Variants in CNTN5 observed in about 807,000 individuals in gnomAD.
CNTN5 encodes the protein contactin 5, also known as contactin-5.
In CNTN5, 77 loss-of-function variants were observed where a neutral mutation model predicts 129.1. That is an observed-to-expected ratio of 0.60 (90% CI 0.50 to 0.72). The LOEUF is 0.72. Among genes scored for constraint, CNTN5 ranks in the 30% least tolerant of loss-of-function variants. The pLI is 0.00. For missense variants in CNTN5, 1,478 were observed against 1,328.8 expected (o/e 1.11, Z -1.75); for synonymous variants, 509 against 465.6 (o/e 1.09, Z -1.20).
chr11:99,151,981 G>A (rs867470100), intron 1 of CNTN5, among the ~76,000 whole-genome samples: 3 of 152,122 alleles, frequency 2.0e-5, no homozygotes, highest in African/African-American at 7.2e-5. Context: ...TAACAAACCT[G>A]CATGTTCTGT....
intron 1 of CNTN5, among the ~76,000 whole-genome samples, chr11:99,323,900 G>C (rs981031338): frequency 1.3e-5 from 2 of 152,096 alleles, no homozygotes; most frequent in African/African-American, 4.8e-5. Context: ...CAAAAGCGAG[G>C]AAAAGAGGGA....
intron 21 of CNTN5, among the ~76,000 whole-genome samples, chr11:100,316,060 C>T (rs1591507842): frequency 2.0e-5 from 3 of 152,254 alleles, no homozygotes; most frequent in Admixed American, 2.0e-4. Flanking sequence ...ATTAAGTGTC[C>T]TGTGTATGGT....
At chr11:100,165,528 A>G (rs1591342813) in intron 13 of CNTN5, among the ~76,000 whole-genome samples, 1 of 151,944 alleles carries the variant, frequency 6.6e-6, no homozygotes, top group Non-Finnish European at 1.5e-5. Flanking sequence ...AACTTACAGG[A>G]AGTATTTTTA....
At position 99,372,885 on chromosome 11, in the gene CNTN5, C is replaced by T. The variant is rs1223171492; in HGVS notation, c.-71+47401C>T. 2.6e-5 allele frequency among the ~76,000 whole-genome samples: 4 copies of T among 152,184 alleles called. No individual in the cohort carries two copies. The East Asian group carries it at 5.8e-4, about 22-fold the overall frequency. On this transcript the variant is annotated intron_variant, in intron 2 of 24. Transcript: ENST00000524871. Reference sequence around the variant, plus strand: ...GGGAAATCAATGTCCAGTGTTATGGCATCTGAGAGATAAACCAGTTGAAAT... The same window carrying T: ...GGGAAATCAATGTCCAGTGTTATGGTATCTGAGAGATAAACCAGTTGAAAT...
At chr11:99,598,043 C>T (rs1950177706) in intron 3 of CNTN5, among the ~76,000 whole-genome samples, 1 of 152,074 alleles carries the variant, frequency 6.6e-6, no homozygotes, top group African/African-American at 2.4e-5. Flanking sequence ...AATTCTGAGC[C>T]ATTAGGATGT....
chr11:99,132,785 C>T (rs1205390780), intron 1 of CNTN5, among the ~76,000 whole-genome samples: 2 of 152,166 alleles, frequency 1.3e-5, no homozygotes, highest in African/African-American at 4.8e-5. Flanking sequence ...ACATTACATA[C>T]TCATTCATAG....
chr11:99,479,787 T>C (rs534159225), intron 2 of CNTN5, among the ~76,000 whole-genome samples: 85 of 152,160 alleles, frequency 5.6e-4, no homozygotes, highest in African/African-American at 2.0e-3. Flanking sequence ...GCAACAGATG[T>C]ATATGTTTTG....
At chr11:100,325,208 G>C (rs892726492) in intron 21 of CNTN5, among the ~76,000 whole-genome samples, 1 of 152,048 alleles carries the variant, frequency 6.6e-6, no homozygotes, top group Admixed American at 6.6e-5. Context: ...AATGTAAAAA[G>C]CAATCTAACC....
chr11:99,947,785 G>A (rs1043984986), intron 7 of CNTN5, among the ~76,000 whole-genome samples: 79 of 152,224 alleles, frequency 5.2e-4, no homozygotes, highest in African/African-American at 1.9e-3. Context: ...GTTTCTGTTA[G>A]TATTCAGACT....
intron 8 of CNTN5, among the ~76,000 whole-genome samples, chr11:99,987,832 G>C (rs11222209): frequency 1.3e-5 from 2 of 151,694 alleles, no homozygotes; most frequent in African/African-American, 2.4e-5. Flanking sequence ...ATTTGGAGGG[G>C]GTTACATAAT....
intron 1 of CNTN5, among the ~76,000 whole-genome samples, chr11:99,299,921 AT>A (rs1406026662): frequency 6.6e-6 from 1 of 152,046 alleles, no homozygotes; most frequent in Non-Finnish European, 1.5e-5. Context: ...CAGTAATGGG[AT>A]TACTTGATCT....
chr11:99,887,378 T>A (rs1239632182), intron 6 of CNTN5, among the ~76,000 whole-genome samples: 1 of 152,200 alleles, frequency 6.6e-6, no homozygotes, highest in Non-Finnish European at 1.5e-5. Flanking sequence ...AGTAAGGAAG[T>A]GTTACATAAT....
At chr11:99,918,948 C>A (rs1172032907) in intron 7 of CNTN5, among the ~76,000 whole-genome samples, 1 of 152,146 alleles carries the variant, frequency 6.6e-6, no homozygotes, top group Non-Finnish European at 1.5e-5. Flanking sequence ...GCCAGTGTAA[C>A]CACATTCCTG....
chr11:99,997,026 G>A (rs929199913), intron 8 of CNTN5, among the ~76,000 whole-genome samples: 2 of 152,000 alleles, frequency 1.3e-5, no homozygotes, highest in African/African-American at 4.8e-5. Flanking sequence ...CACATTCTTT[G>A]CACATTTCAA....
chr11:99,547,363 G>A (rs193167668), intron 2 of CNTN5, among the ~76,000 whole-genome samples: 16 of 152,246 alleles, frequency 1.1e-4, no homozygotes, highest in Non-Finnish European at 2.1e-4. Flanking sequence ...GAAGGTATGT[G>A]GGCAGACAAA....
chr11:99,828,650 G>A (rs890263881), intron 4 of CNTN5, among the ~76,000 whole-genome samples: 1 of 152,090 alleles, frequency 6.6e-6, no homozygotes, highest in African/African-American at 2.4e-5. Flanking sequence ...AATAGTTTTT[G>A]TTTACACATG....
At chr11:99,037,145 C>A (rs1024113488) in intron 1 of CNTN5, among the ~76,000 whole-genome samples, 1 of 152,134 alleles carries the variant, frequency 6.6e-6, no homozygotes, top group Non-Finnish European at 1.5e-5. Flanking sequence ...GATAAATGAG[C>A]CTGTTTTCTC....
chr11:99,755,126 TGCGGAATGACATCTTG>T (rs1555099920), intron 3 of CNTN5, among the ~76,000 whole-genome samples: 1 of 152,182 alleles, frequency 6.6e-6, no homozygotes, highest in Non-Finnish European at 1.5e-5. Context: ...ATGCCTCACT[TGCGGAATGACATCTTG>T]GTGGTTTCCA....
chr11:99,022,266 A>G (rs1012284621), intron 1 of CNTN5, among the ~76,000 whole-genome samples: 1 of 152,208 alleles, frequency 6.6e-6, no homozygotes, highest in African/African-American at 2.4e-5. Context: ...ACTAGCATTT[A>G]AAATTATAGA....
Sources: gnomAD v4.1 joint callset for allele counts (sites outside exome capture counted in the v4.1 genomes callset) on GRCh38, gnomAD v4.1.1 for gene constraint, MANE v1.5 for transcripts, NCBI Gene and HGNC (gene_info 2026-07-23, HGNC 2026-07-21) for gene names.